The following WDR64 variants were observed in gnomAD, a reference collection of about 807,000 sequenced individuals.
The protein encoded by WDR64 is WD repeat domain 64, also known as WD repeat-containing protein 64.
In WDR64, 112 loss-of-function variants were observed where a neutral mutation model predicts 139.3. The ratio of observed to expected loss-of-function variants is 0.80; its 90% CI spans 0.69 to 0.94. WDR64 has a LOEUF of 0.94. Ranked by LOEUF, WDR64 falls within the 40% of genes least tolerant of loss-of-function variation. The pLI is 0.00. For missense variants in WDR64, 1,206 were observed against 1,293.1 expected (o/e 0.93, Z 1.03); for synonymous variants, 444 against 437.7 (o/e 1.01, Z -0.18).
intron 9 of WDR64, among the ~76,000 whole-genome samples, chr1:241,721,020 C>T (rs1668589040): frequency 6.6e-6 from 1 of 152,120 alleles, no homozygotes; most frequent in South Asian, 2.1e-4. Context: ...TGTGGCTAGC[C>T]AGTTCTCCCA....
chr1:241,692,666 A>G (rs1667345330), intron 8 of WDR64, among the ~76,000 whole-genome samples: 1 of 152,258 alleles, frequency 6.6e-6, no homozygotes, highest in African/African-American at 2.4e-5. Flanking sequence ...AAGTATTTGC[A>G]AAAGACATAT....
At chr1:241,677,449 A>C (rs1643402171) in intron 4 of WDR64, 2 of 398,434 alleles carry the variant, frequency 5.0e-6, no homozygotes, top group South Asian at 2.5e-4. Flanking sequence ...TCTCTATTTC[A>C]CATAATCCGT....
At chr1:241,681,592 G>A (rs1371101238) in intron 6 of WDR64, among the ~76,000 whole-genome samples, 3 of 152,056 alleles carry the variant, frequency 2.0e-5, no homozygotes, top group Non-Finnish European at 4.4e-5. Flanking sequence ...ATGAGTGAGC[G>A]AGTAGCTTTT....
At chr1:241,713,814 C>T (rs1246221294) in intron 9 of WDR64, among the ~76,000 whole-genome samples, 1 of 152,118 alleles carries the variant, frequency 6.6e-6, no homozygotes, top group Non-Finnish European at 1.5e-5. Context: ...AAGACTCGAC[C>T]TCAAAGACAT....
chr1:241,672,864 G>A (rs1040679348), intron 3 of WDR64, among the ~76,000 whole-genome samples: 1 of 152,170 alleles, frequency 6.6e-6, no homozygotes, highest in African/African-American at 2.4e-5. Context: ...GAGAAGCAAC[G>A]ATGGGAGTGG....
chr1:241,776,069 TTTTAA>T (rs1402854303), intron 21 of WDR64, among the ~76,000 whole-genome samples: 2 of 152,140 alleles, frequency 1.3e-5, no homozygotes, highest in African/African-American at 4.8e-5. Flanking sequence ...TCAAAATTTG[TTTTAA>T]TTTTTTTTTC....
At chr1:241,680,264 G>T (rs535179382) in intron 6 of WDR64, among the ~76,000 whole-genome samples, 30 of 152,196 alleles carry the variant, frequency 2.0e-4, no homozygotes, top group Non-Finnish European at 4.0e-4. Flanking sequence ...GGAGGATTAA[G>T]AAATAAATTA....
chr1:241,779,992 A>C lies in WDR64; in HGVS notation c.2537-12A>C, dbSNP rs1192137843. 1 of 1,582,200 alleles carries C rather than the reference A, an allele frequency of 6.3e-7. No individual in the cohort carries two copies. Among genetic ancestry groups the C allele is most frequent in the Non-Finnish European group, 8.6e-7 (1 of 1,168,956 alleles). ...ATCTAATTAAAGATTCCAATGTTTAAATTTTATACAGAAGGACATGTTATC... is the reference window on the plus strand; with the variant it reads ...ATCTAATTAAAGATTCCAATGTTTACATTTTATACAGAAGGACATGTTATC... On this transcript the variant is annotated splice_polypyrimidine_tract_variant and intron_variant, in intron 21 of 27. Transcript: ENST00000437684.
intron 13 of WDR64, among the ~76,000 whole-genome samples, chr1:241,746,571 GAAAA>G (rs71174843): frequency 6.9e-6 from 1 of 145,880 alleles, no homozygotes; most frequent in African/African-American, 2.5e-5. Context: ...ACCAAAAACT[GAAAA>G]AAAAAAAATT....
intron 15 of WDR64, among the ~76,000 whole-genome samples, chr1:241,762,900 C>A (rs1657987353): frequency 6.6e-6 from 1 of 152,052 alleles, no homozygotes; most frequent in Non-Finnish European, 1.5e-5. Context: ...TTTGGAACTG[C>A]AATTTGAATG....
chr1:241,670,101 G>A (rs147016134), intron 2 of WDR64, among the ~76,000 whole-genome samples: 326 of 151,904 alleles, frequency 2.1e-3, no homozygotes, highest in African/African-American at 7.4e-3. Flanking sequence ...TTTTAAGTTC[G>A]CTCATTAATT....
chr1:241,731,090 A>G (rs1176861726), intron 10 of WDR64, among the ~76,000 whole-genome samples: 2 of 152,280 alleles, frequency 1.3e-5, no homozygotes, highest in Non-Finnish European at 2.9e-5. Context: ...TTACAAAAAT[A>G]TATGTGCAAA....
chr1:241,726,444 A>G (rs1181349872), intron 10 of WDR64, among the ~76,000 whole-genome samples: 3 of 152,094 alleles, frequency 2.0e-5, no homozygotes, highest in Non-Finnish European at 4.4e-5. Context: ...AACTATTTAA[A>G]TTGACTAAAA....
chr1:241,653,796 T>C (rs1665465491), intron 1 of WDR64, among the ~76,000 whole-genome samples: 1 of 152,022 alleles, frequency 6.6e-6, no homozygotes, highest in African/African-American at 2.4e-5. Flanking sequence ...CCACCTGCCA[T>C]GGCCTCCCAA....
intron 25 of WDR64, among the ~76,000 whole-genome samples, chr1:241,793,171 C>G (rs1285120912): frequency 6.6e-6 from 1 of 152,050 alleles, no homozygotes; most frequent in Admixed American, 6.6e-5. Flanking sequence ...CAAAAATAGG[C>G]AAAACAAAAC....
In WDR64 at chr1:241,787,872, A is replaced by G. The variant is rs1659096976; in HGVS notation, c.2729A>G (p.His910Arg). The G allele has an allele frequency of 6.2e-7, 1 of 1,600,842 alleles. No homozygotes were observed. Residue 910 changes from histidine to arginine, a missense_variant, in exon 24 of 28, where the codon CAT (histidine) becomes CGT (arginine). Coordinates refer to ENST00000437684, the MANE Select transcript of WDR64 (RefSeq NM_001367482.1). ...SVRLWHALNG[H>R]YCGYFGQRRL... Reference sequence around the variant, plus strand: ...AGGCTCTGGCATGCCCTCAATGGACATTATTGTGGATATTTTGGACAGCGA... The same window carrying G: ...AGGCTCTGGCATGCCCTCAATGGACGTTATTGTGGATATTTTGGACAGCGA...
intron 7 of WDR64, 140 bp from the exon 8 acceptor site, chr1:241,687,321 A>AG: frequency 1.3e-6 from 1 of 799,392 alleles, no homozygotes; most frequent in Non-Finnish European, 1.9e-6. Flanking sequence ...AAAAAAAAAA[A>AG]GGTGTTATAA....
At chr1:241,695,357 T>G (rs574767260) in intron 8 of WDR64, among the ~76,000 whole-genome samples, 2 of 152,138 alleles carry the variant, frequency 1.3e-5, no homozygotes, top group Admixed American at 6.5e-5. Context: ...AGATGTCACA[T>G]TGGTAATTTG....
At chr1:241,689,300 A>T (rs1283956344) in intron 8 of WDR64, among the ~76,000 whole-genome samples, 1 of 111,422 alleles carries the variant, frequency 9.0e-6, no homozygotes, top group South Asian at 2.9e-4. Flanking sequence ...AGATTGTCAG[A>T]GTGATCAAAA....
Sources: gnomAD v4.1 joint callset for allele counts (sites outside exome capture counted in the v4.1 genomes callset) on GRCh38, gnomAD v4.1.1 for gene constraint, MANE v1.5 for transcripts, NCBI Gene and HGNC (gene_info 2026-07-23, HGNC 2026-07-21) for gene names.